The following AGTR1 variants were observed in gnomAD, a reference collection of about 807,000 sequenced individuals.
AGTR1 encodes type-1 angiotensin II receptor.
A neutral mutation model predicts 19.4 loss-of-function variants in AGTR1; 16 were observed. The observed-to-expected ratio is 0.82, with a 90% CI of 0.56 to 1.25. The LOEUF (loss-of-function observed/expected upper bound fraction) is 1.25. AGTR1 is among the 50% of genes most tolerant of loss of function. AGTR1 has a pLI of 0.00. For synonymous variants in AGTR1, 153 were observed against 154.9 expected (o/e 0.99, Z 0.09); for missense variants, 373 against 431.9 (o/e 0.86, Z 1.21).
chr3:148,734,788 G>A (rs1273560494), intron 2 of AGTR1, among the ~76,000 whole-genome samples: 4 of 152,058 alleles, frequency 2.6e-5, no homozygotes, highest in South Asian at 2.1e-4. Context: ...TTCCCTCTTC[G>A]TGGCTGCCAG....
In AGTR1 at chr3:148,716,046, A is replaced by G. The variant is rs977333617; in HGVS notation, c.-48+8019A>G. On this transcript the variant is annotated intron_variant, in intron 2 of 2. Transcript: ENST00000349243. The surrounding 1 kb of genome is among the most constrained non-coding windows in gnomAD (Gnocchi z 4.7). ...ACAGTGGCACTTACCCCCAAACCGT[A>G]TCCTATGGAAATGCCTTTTTAGCAA... is the stretch of plus-strand genomic sequence containing the variant. Among the ~76,000 whole-genome samples, 3 of 152,184 alleles carry G rather than the reference A, an allele frequency of 2.0e-5. No homozygotes were observed. Among genetic ancestry groups the G allele is most frequent in the Admixed American group, 1.3e-4 (2 of 15,274 alleles).
intron 1 of AGTR1, among the ~76,000 whole-genome samples, chr3:148,706,851 G>T (rs534953267): frequency 1.5e-4 from 23 of 151,982 alleles, no homozygotes; most frequent in African/African-American, 5.3e-4. Context: ...CAGATTCTTG[G>T]TATTATAAAT....
At chr3:148,731,796 A>C (rs1293753814) in intron 2 of AGTR1, among the ~76,000 whole-genome samples, 1 of 152,212 alleles carries the variant, frequency 6.6e-6, no homozygotes, top group African/African-American at 2.4e-5. Flanking sequence ...CTCTTCCTCA[A>C]TTTTTACAGC....
chr3:148,719,014 C>T (rs1456519758), intron 2 of AGTR1, among the ~76,000 whole-genome samples: 3 of 152,134 alleles, frequency 2.0e-5, no homozygotes, highest in East Asian at 1.9e-4. Flanking sequence ...GGCTCCTATT[C>T]GGTTTTCTCC....
At chr3:148,736,794 C>G (rs1015526350) in intron 2 of AGTR1, among the ~76,000 whole-genome samples, 1 of 152,128 alleles carries the variant, frequency 6.6e-6, no homozygotes, top group Non-Finnish European at 1.5e-5. Context: ...ATGTAAGCCA[C>G]AGAGCTTGGA....
chr3:148,704,940 C>A (rs1368766386), intron 1 of AGTR1, among the ~76,000 whole-genome samples: 1 of 152,174 alleles, frequency 6.6e-6, no homozygotes, highest in Non-Finnish European at 1.5e-5. Flanking sequence ...ATTACAACAT[C>A]TAATTTGTAA....
chr3:148,704,488 A>C (rs954095653), intron 1 of AGTR1, among the ~76,000 whole-genome samples: 12 of 152,126 alleles, frequency 7.9e-5, no homozygotes, highest in Non-Finnish European at 1.5e-4. Context: ...GGATTGGACA[A>C]GTTATTTTCT....
At chr3:148,729,706 A>C (rs1714147072) in intron 2 of AGTR1, among the ~76,000 whole-genome samples, 1 of 152,238 alleles carries the variant, frequency 6.6e-6, no homozygotes, top group Non-Finnish European at 1.5e-5. Flanking sequence ...CATAGAAAAG[A>C]AATGGAGTGG....
chr3:148,741,261 T>G lies in AGTR1; in HGVS notation c.226T>G (p.Cys76Gly), dbSNP rs545751404. ...FLLNLALADLCFLLTLPLWAV... is the reference protein window; with the variant it reads ...FLLNLALADLGFLLTLPLWAV... Reference sequence around the variant, plus strand: ...TTTGAATTTAGCACTGGCTGACTTATGCTTTTTACTGACTTTGCCACTATG... The same window carrying G: ...TTTGAATTTAGCACTGGCTGACTTAGGCTTTTTACTGACTTTGCCACTATG... Residue 76 changes from cysteine (C) to glycine (G), a missense_variant, in exon 3 of 3, where the codon TGC becomes GGC. Cys to Gly is a radical substitution (Grantham distance 159). Transcript: ENST00000349243. The G allele has an allele frequency of 6.2e-7, 1 of 1,613,862 alleles. No homozygotes were observed. The highest frequency in any genetic ancestry group is 8.5e-7 in the Non-Finnish European group (1 of 1,180,024).
rs752692489 is a variant in AGTR1 at position 148,741,774 on chromosome 3, CTT to C, written c.742_743del (p.Phe248LeufsTer25). 1.9e-6 allele frequency: 3 copies of C among 1,613,112 alleles called. No individual in the cohort carries two copies. In the Admixed American group the frequency reaches 5.0e-5, roughly 27 times the overall value. On this transcript the variant is annotated frameshift_variant, in exon 3 of 3. Coordinates refer to ENST00000349243, the MANE Select transcript of AGTR1 (RefSeq NM_000685.5). LOFTEE classifies it high-confidence loss of function. ...TTTTAAGATAATTATGGCAATTGTG[CTT>C]TTCTTTTTCTTTTCCTGGATTCCCC... ...DIFKIIMAIV[L>X]FFFFSWIPHQ...
chr3:148,710,741 A>G (rs1365518681), intron 2 of AGTR1, among the ~76,000 whole-genome samples: 2 of 152,088 alleles, frequency 1.3e-5, no homozygotes, highest in Non-Finnish European at 2.9e-5. Flanking sequence ...AGGTTTGGAT[A>G]TTTGCCCCTC....
At chr3:148,730,866 G>A (rs1186110425) in intron 2 of AGTR1, among the ~76,000 whole-genome samples, 5 of 152,160 alleles carry the variant, frequency 3.3e-5, no homozygotes, top group Non-Finnish European at 7.3e-5. Flanking sequence ...GGGCCAACTA[G>A]GGGACGTCTG....
At chr3:148,731,008 C>T (rs1714223465) in intron 2 of AGTR1, among the ~76,000 whole-genome samples, 1 of 151,982 alleles carries the variant, frequency 6.6e-6, no homozygotes, top group Admixed American at 6.6e-5. Flanking sequence ...AGACATGGTA[C>T]AAAAAATGTA....
In AGTR1 at chr3:148,742,245, C is replaced by T. The variant is rs781008384; in HGVS notation, c.*130C>T. The T allele has an allele frequency of 2.6e-5, 33 of 1,274,626 alleles. No individual in the cohort carries two copies. The highest frequency in any genetic ancestry group is 2.1e-5 in the Non-Finnish European group (18 of 871,602). 79.0% of individuals were successfully genotyped at this position (1,274,626 alleles called of 1,614,324 possible). On this transcript the variant is annotated 3_prime_UTR_variant, in exon 3 of 3. Coordinates refer to ENST00000349243, the MANE Select transcript of AGTR1 (RefSeq NM_000685.5). ...TGAAGGAGAAAATGCATTATGTGGA[C>T]TGAACCGACTTTTCTAAAGCTCTGA...
In AGTR1 at chr3:148,742,187, A is replaced by G. The variant is rs370981786; in HGVS notation, c.*72A>G. ...AGAGAACATTCCTCTGCAGCACTTC[A>G]CTACCAAATGAGCATTAGCTACTTT... On this transcript the variant is annotated 3_prime_UTR_variant, in exon 3 of 3. Transcript: ENST00000349243. The G allele has an allele frequency of 1.6e-4, 255 of 1,576,660 alleles. No homozygotes were observed. In the African/African-American group the frequency reaches 3.0e-3, roughly 19 times the overall value.
At chr3:148,722,926 C>G (rs1261903994) in intron 2 of AGTR1, among the ~76,000 whole-genome samples, 5 of 152,172 alleles carry the variant, frequency 3.3e-5, no homozygotes. Flanking sequence ...AGCAATTAAC[C>G]AAAGTATACA....
intron 2 of AGTR1, among the ~76,000 whole-genome samples, chr3:148,725,779 G>A (rs749999567): frequency 6.6e-5 from 10 of 152,138 alleles, no homozygotes; most frequent in Admixed American, 6.5e-5. Flanking sequence ...CACCACACCC[G>A]GCCGGAGACA....
intron 2 of AGTR1, among the ~76,000 whole-genome samples, chr3:148,710,356 A>G (rs1232591666): frequency 6.6e-6 from 1 of 152,136 alleles, no homozygotes; most frequent in African/African-American, 2.4e-5. Context: ...GCTTTTCTAA[A>G]GTTGCAGTTC....
At chr3:148,726,867 A>G (rs12695896) in intron 2 of AGTR1, among the ~76,000 whole-genome samples, 2 of 152,354 alleles carry the variant, frequency 1.3e-5, no homozygotes, top group Non-Finnish European at 2.9e-5. Flanking sequence ...GAGATAAGAA[A>G]GAACAGTGGT....
Sources: gnomAD v4.1 joint callset for allele counts (sites outside exome capture counted in the v4.1 genomes callset) on GRCh38, gnomAD v4.1.1 for gene constraint, Gnocchi (gnomAD v3.1) non-coding constraint, MANE v1.5 for transcripts, NCBI Gene and HGNC (gene_info 2026-07-23, HGNC 2026-07-21) for gene names.